The following ARMC2 variants were observed in gnomAD, a reference collection of about 807,000 sequenced individuals.
ARMC2 encodes armadillo repeat containing 2.
In ARMC2, 67 loss-of-function variants were observed where a neutral mutation model predicts 90.3. The ratio of observed to expected loss-of-function variants is 0.74; its 90% CI spans 0.61 to 0.91. The LOEUF (loss-of-function observed/expected upper bound fraction) is 0.91. ARMC2 is among the 40% of genes least tolerant of loss of function. ARMC2 has a pLI of 0.00. For synonymous variants in ARMC2, 393 were observed against 393.0 expected, an observed-to-expected ratio of 1.00 and a Z score of 0.00; for missense variants, 920 against 1,030.9, an observed-to-expected ratio of 0.89 and a Z score of 1.47.
In ARMC2 at chr6:108,961,681, A is replaced by G. The variant is rs1490287455; in HGVS notation, c.2025A>G (p.Leu675=). Residue 675 remains leucine (L), a synonymous_variant, in exon 14 of 18, where the codon CTA becomes CTG. Coordinates refer to ENST00000392644, the MANE Select transcript of ARMC2 (RefSeq NM_032131.6). ...ATTCCATAATTCAAGACAAAAAGCT[A>G]TATATTGCTGAATGTAAGGTTCAGA... The part of the protein sequence containing the change: ...VKNSIIQDKK[L]YIAELLLKLL... 6.2e-7 allele frequency: 1 copy of G among 1,604,116 alleles called. No homozygotes were observed. Among genetic ancestry groups the G allele is most frequent in the Admixed American group, 1.7e-5 (1 of 58,332 alleles).
the ARMC2 span, among the ~76,000 whole-genome samples, chr6:109,035,235 T>A: frequency 3.3e-5 from 5 of 152,150 alleles, no homozygotes; most frequent in African/African-American, 9.7e-5. Context: ...CAGCATTCAT[T>A]TGTTCATTAC....
Position 108,960,790 on chromosome 6 carries a change from A to G in ARMC2, c.1916-782A>G, listed in dbSNP as rs116437540. Among the ~76,000 whole-genome samples, 553 of 152,306 alleles carry G rather than the reference A, an allele frequency of 3.6e-3. 2 individuals carry two copies. Among genetic ancestry groups the G allele is most frequent in the African/African-American group, 0.013 (526 of 41,566 alleles). ...GGGAGGACAGTATGTTCCAGAAGAAAGTTCAGCAGTGCACGGGTTCTCAGG... is the reference window on the plus strand; with the variant it reads ...GGGAGGACAGTATGTTCCAGAAGAAGGTTCAGCAGTGCACGGGTTCTCAGG... On this transcript the variant is annotated intron_variant, in intron 13 of 17. Coordinates refer to ENST00000392644, the MANE Select transcript of ARMC2 (RefSeq NM_032131.6).
At chr6:108,917,980 C>T (rs911521354) in intron 10 of ARMC2, among the ~76,000 whole-genome samples, 10 of 152,086 alleles carry the variant, frequency 6.6e-5, no homozygotes, top group African/African-American at 1.7e-4. Context: ...TGCTCCCGGC[C>T]GAAATTAGCT....
chr6:108,935,838 T>C (rs1289915359), intron 11 of ARMC2, among the ~76,000 whole-genome samples: 1 of 152,212 alleles, frequency 6.6e-6, no homozygotes, highest in Non-Finnish European at 1.5e-5. Flanking sequence ...AGTTAGGTGT[T>C]CTTACATTTC....
At chr6:108,935,807 T>A (rs1775914439) in intron 11 of ARMC2, among the ~76,000 whole-genome samples, 1 of 152,164 alleles carries the variant, frequency 6.6e-6, no homozygotes, top group Non-Finnish European at 1.5e-5. Context: ...TTTTGTAATT[T>A]TCATGTTTCT....
intron 8 of ARMC2, 111 bp from the exon 9 acceptor site, chr6:108,910,788 T>TTC: frequency 6.2e-6 from 3 of 480,960 alleles, no homozygotes; most frequent in Middle Eastern, 5.7e-4. Context: ...TAGAACTTTT[T>TTC]CATGTTTAAA....
At chr6:109,004,036 T>C in the ARMC2 span, among the ~76,000 whole-genome samples, 1 of 152,126 alleles carries the variant, frequency 6.6e-6, no homozygotes, top group Non-Finnish European at 1.5e-5. Flanking sequence ...TCATTTCAAA[T>C]GGGGGAAAAT....
chr6:108,971,539 G>GT (rs955053381), intron 17 of ARMC2, among the ~76,000 whole-genome samples: 7 of 152,204 alleles, frequency 4.6e-5, no homozygotes, highest in African/African-American at 1.7e-4. Flanking sequence ...AAAGTACACA[G>GT]TGAATGTACA....
intron 5 of ARMC2, among the ~76,000 whole-genome samples, chr6:108,892,011 T>TA (rs1245901887): frequency 6.6e-6 from 1 of 152,236 alleles, no homozygotes; most frequent in African/African-American, 2.4e-5. Context: ...GAAGTGGGGA[T>TA]ACATGCGTGT....
chr6:109,048,728 A>G, the ARMC2 span, among the ~76,000 whole-genome samples: 1 of 152,198 alleles, frequency 6.6e-6, no homozygotes, highest in Non-Finnish European at 1.5e-5. Context: ...GCTGTTCATT[A>G]CTTACCAGTT....
the ARMC2 span, chr6:109,009,563 C>CGG: frequency 9.3e-7 from 1 of 1,071,344 alleles, no homozygotes; most frequent in Non-Finnish European, 1.1e-6. Flanking sequence ...GGCGGGGGGG[C>CGG]GGGGCGGCGC....
In ARMC2 at chr6:108,964,227, T is replaced by G. The variant is rs1778200660; in HGVS notation, c.2200T>G (p.Cys734Gly). The G allele has an allele frequency of 1.9e-6, 3 of 1,613,880 alleles. No homozygotes were observed. In the African/African-American group the frequency reaches 4.0e-5, roughly 22 times the overall value. ...ALLDAQHQDI[C>G]FSACGVLLNL... The stretch of plus-strand genomic sequence containing the variant: ...GCTGGATGCTCAGCATCAGGATATC[T>G]GCTTTTCTGCCTGTGGTGTTCTCCT... The change falls in exon 16 of 18, where the codon TGC becomes GGC. Residue 734 changes from cysteine to glycine, a missense_variant. Physicochemically the swap from Cys to Gly is radical, Grantham distance 159 (BLOSUM62 -3). Coordinates refer to ENST00000392644, the MANE Select transcript of ARMC2 (RefSeq NM_032131.6).
At chr6:108,946,745 A>G (rs902070090) in intron 12 of ARMC2, among the ~76,000 whole-genome samples, 2 of 152,220 alleles carry the variant, frequency 1.3e-5, no homozygotes, top group African/African-American at 4.8e-5. Flanking sequence ...TTTTTCTAAA[A>G]TGTGTTCCTT....
intron 12 of ARMC2, among the ~76,000 whole-genome samples, chr6:108,947,845 T>G (rs1776913976): frequency 6.6e-6 from 1 of 151,482 alleles, no homozygotes; most frequent in Non-Finnish European, 1.5e-5. Flanking sequence ...AAAAAAAAGC[T>G]CTCTCTTGAT....
At position 108,910,653 on chromosome 6, in the gene ARMC2, A is replaced by G. The variant is rs9374056; in HGVS notation, c.1024-246A>G. The stretch of plus-strand genomic sequence containing the variant: ...CTATGTTTATTCCACAGTATTCACA[A>G]TCGCTAAGATCTGTCATTAAAATGT... On this transcript the variant is annotated intron_variant, in intron 8 of 17. Transcript: ENST00000392644. Among the ~76,000 whole-genome samples, 6,532 of 152,298 alleles carry G rather than the reference A, an allele frequency of 0.043. 271 individuals are homozygous for G. The highest frequency in any genetic ancestry group is 0.2 in the East Asian group (1,051 of 5,180).
the ARMC2 span, among the ~76,000 whole-genome samples, chr6:109,021,774 T>C: frequency 6.6e-6 from 1 of 152,266 alleles, no homozygotes; most frequent in South Asian, 2.1e-4. Flanking sequence ...CACAGATAAA[T>C]AAGCTATGTT....
chr6:108,919,095 A>G (rs1466815833), intron 10 of ARMC2, among the ~76,000 whole-genome samples: 1 of 151,770 alleles, frequency 6.6e-6, no homozygotes, highest in Admixed American at 6.6e-5. Flanking sequence ...CAATTCTCAG[A>G]GCCAGCTATT....
intron 5 of ARMC2, among the ~76,000 whole-genome samples, chr6:108,889,768 C>G (rs911501157): frequency 1.7e-4 from 26 of 151,660 alleles, no homozygotes; most frequent in African/African-American, 6.3e-4. Context: ...CTTTTAAGGC[C>G]CATTTTGTAG....
the ARMC2 span, among the ~76,000 whole-genome samples, chr6:109,023,356 T>C: frequency 2.0e-5 from 3 of 152,220 alleles, no homozygotes; most frequent in Non-Finnish European, 4.4e-5. Flanking sequence ...GAACAAAAGT[T>C]TGTAAATGTT....
Sources: gnomAD v4.1 joint callset for allele counts (sites outside exome capture counted in the v4.1 genomes callset) on GRCh38, gnomAD v4.1.1 for gene constraint, MANE v1.5 for transcripts, NCBI Gene and HGNC (gene_info 2026-07-23, HGNC 2026-07-21) for gene names.